TTC6: variants seen among roughly 807,000 people sequenced by gnomAD.
The protein encoded by TTC6 is tetratricopeptide repeat protein 6.
TTC6 carries 172 observed loss-of-function variants against 210.4 expected under a neutral mutation model. The observed-to-expected ratio is 0.82, with a 90% CI of 0.72 to 0.93. The LOEUF is 0.93. Ranked by LOEUF, TTC6 falls within the 40% of genes least tolerant of loss-of-function variation. The probability of loss-of-function intolerance (pLI) is 0.00; values close to 1 mark genes in which losing one functional copy is unlikely to be tolerated. For synonymous variants in TTC6, 804 were observed against 819.6 expected (o/e 0.98, Z 0.32); for missense variants, 2,414 against 2,318.1 (o/e 1.04, Z -0.85).
chr14:37,622,602 C>T (rs1168489708), exon 1 of TTC6: 1 of 1,534,512 alleles, frequency 6.5e-7, no homozygotes, highest in Non-Finnish European at 8.7e-7. Flanking sequence ...GCGGGTCTTC[C>T]ACTTGGGAAG....
At chr14:37,751,987 T>C (rs1052861291) in intron 13 of TTC6, among the ~76,000 whole-genome samples, 1 of 151,706 alleles carries the variant, frequency 6.6e-6, no homozygotes. Flanking sequence ...CTATGCCCGG[T>C]TAATTTTTTT....
At chr14:37,818,590 T>G (rs895910570) in intron 26 of TTC6, among the ~76,000 whole-genome samples, 2 of 152,172 alleles carry the variant, frequency 1.3e-5, no homozygotes, top group African/African-American at 4.8e-5. Context: ...ATTTAGGAAA[T>G]TGACATCCTT....
At chr14:37,768,727 T>C (rs2139160153) in intron 14 of TTC6, among the ~76,000 whole-genome samples, 1 of 152,236 alleles carries the variant, frequency 6.6e-6, no homozygotes, top group South Asian at 2.1e-4. Flanking sequence ...TTTCTAGATA[T>C]ACAATCATGT....
Position 37,749,674 on chromosome 14 carries a change from A to G in TTC6, c.2827-40A>G. Reference sequence around the variant, plus strand: ...TTATTTGATAGGATATCCTCCTTTAACAAATCAACTTTAACTGAATTTTTA... The same window carrying G: ...TTATTTGATAGGATATCCTCCTTTAGCAAATCAACTTTAACTGAATTTTTA... On this transcript the variant is annotated intron_variant, in intron 11 of 30. Transcript: ENST00000553443. The G allele has an allele frequency of 2.3e-6, 3 of 1,283,462 alleles. No individual in the cohort carries two copies. In the South Asian group the frequency reaches 7.1e-5, roughly 31 times the overall value. The allele number at this position is 1,283,462 out of a possible 1,614,324, so 79.5% of individuals were successfully genotyped here.
At chr14:37,728,862 T>C (rs866255576) in intron 7 of TTC6, among the ~76,000 whole-genome samples, 17 of 152,308 alleles carry the variant, frequency 1.1e-4, no homozygotes, top group African/African-American at 3.8e-4. Context: ...ACAATAAAGA[T>C]GAATATGACA....
chr14:37,633,443 G>A (rs912886815), intron 1 of TTC6, among the ~76,000 whole-genome samples: 5 of 152,120 alleles, frequency 3.3e-5, no homozygotes, highest in Non-Finnish European at 7.3e-5. Context: ...CTGACCCTTT[G>A]TGGGCTGCAC....
intron 6 of TTC6, among the ~76,000 whole-genome samples, chr14:37,718,845 G>T (rs1301349047): frequency 6.6e-6 from 1 of 152,070 alleles, no homozygotes; most frequent in African/African-American, 2.4e-5. Context: ...GGGTGAGGTG[G>T]GAAGATAACC....
exon 1 of TTC6, chr14:37,622,586 T>C: frequency 6.5e-7 from 1 of 1,534,176 alleles, no homozygotes; most frequent in Non-Finnish European, 8.7e-7. Flanking sequence ...GGCACGCGGC[T>C]CCCAGGCGGG....
intron 1 of TTC6, among the ~76,000 whole-genome samples, chr14:37,674,295 T>C (rs1373836157): frequency 6.6e-6 from 1 of 152,144 alleles, no homozygotes; most frequent in African/African-American, 2.4e-5. Context: ...ATTTTAGGTA[T>C]ATTATAGTAG....
At position 37,751,711 on chromosome 14, in the gene TTC6, T is replaced by C. The variant is rs2095952549; in HGVS notation, c.3129+486T>C. Among the ~76,000 whole-genome samples, 2 of 152,116 alleles carry C rather than the reference T, an allele frequency of 1.3e-5. 1 individual carries two copies. Among genetic ancestry groups the C allele is most frequent in the South Asian group, 4.1e-4 (2 of 4,822 alleles). ...GCTTGAAACTATTTATTTACTATTA[T>C]AAATTATGATATTAAGGCATTGTTA... is the stretch of plus-strand genomic sequence containing the variant. On this transcript the variant is annotated intron_variant, in intron 13 of 30. Coordinates refer to ENST00000553443, the Ensembl canonical transcript of TTC6.
At chr14:37,619,073 G>A (rs2095647172), upstream of TTC6, among the ~76,000 whole-genome samples, 1 of 152,144 alleles carries the variant, frequency 6.6e-6, no homozygotes, top group African/African-American at 2.4e-5. Flanking sequence ...GCGGGGCGGG[G>A]GGATTATACA....
At chr14:37,703,532 C>T (rs773492370) in intron 5 of TTC6, among the ~76,000 whole-genome samples, 3 of 152,086 alleles carry the variant, frequency 2.0e-5, no homozygotes, top group Non-Finnish European at 2.9e-5. Context: ...AGAAAGGTAA[C>T]TGTAAACAAA....
At chr14:37,666,816 A>T (rs2095749116) in intron 1 of TTC6, among the ~76,000 whole-genome samples, 1 of 150,174 alleles carries the variant, frequency 6.7e-6, no homozygotes, top group Non-Finnish European at 1.5e-5. Context: ...CCAAAGTTAC[A>T]CTGTGGGCTG....
chr14:37,775,987 C>A (rs2096036221), intron 14 of TTC6, among the ~76,000 whole-genome samples: 2 of 151,904 alleles, frequency 1.3e-5, no homozygotes, highest in South Asian at 4.2e-4. Context: ...TTTCTCCATA[C>A]CTTTACTTTG....
At chr14:37,824,031 T>C in intron 27 of TTC6, 74 bp downstream of exon 29, 2 of 1,285,408 alleles carry the variant, frequency 1.6e-6, no homozygotes, top group South Asian at 2.5e-5. Context: ...TTCCTGGCAA[T>C]GGGAGTATAT....
intron 7 of TTC6, among the ~76,000 whole-genome samples, chr14:37,729,031 G>A (rs2095879411): frequency 6.6e-6 from 1 of 152,110 alleles, no homozygotes; most frequent in South Asian, 2.1e-4. Flanking sequence ...TTGTGGAGTT[G>A]TAATTTATAT....
At chr14:37,680,504 A>G (rs1051291362) in intron 2 of TTC6, among the ~76,000 whole-genome samples, 4 of 152,154 alleles carry the variant, frequency 2.6e-5, no homozygotes, top group African/African-American at 9.7e-5. Context: ...GAGGACTTTA[A>G]CAATTCTGAT....
intron 29 of TTC6, among the ~76,000 whole-genome samples, chr14:37,840,869 ATTTT>A (rs71127249): frequency 9.4e-5 from 13 of 137,614 alleles, no homozygotes; most frequent in Non-Finnish European, 7.9e-5. Flanking sequence ...CAGTGGGAGG[ATTTT>A]TTTTTTTTTT....
exon 28 of TTC6, chr14:37,826,263 C>T: frequency 6.2e-7 from 1 of 1,612,682 alleles, no homozygotes; most frequent in Non-Finnish European, 8.5e-7. Context: ...CAAAGAACTA[C>T]CTAGCCTATG....
Sources: gnomAD v4.1 joint callset for allele counts (sites outside exome capture counted in the v4.1 genomes callset) on GRCh38, gnomAD v4.1.1 for gene constraint, MANE v1.5 for transcripts, NCBI Gene and HGNC (gene_info 2026-07-23, HGNC 2026-07-21) for gene names.